The following BCL2L13 variants were observed in gnomAD, a reference collection of about 807,000 sequenced individuals.
BCL2L13 encodes the protein BCL2 like 13, also known as bcl-2-like protein 13.
A neutral mutation model predicts 25.8 loss-of-function variants in BCL2L13; 13 were observed. That is an observed-to-expected ratio of 0.50 (90% CI 0.33 to 0.80). The LOEUF (loss-of-function observed/expected upper bound fraction) is 0.80. Among genes scored for constraint, BCL2L13 ranks in the 30% least tolerant of loss-of-function variants. The pLI, the probability that BCL2L13 is intolerant of heterozygous loss-of-function variation, is 0.02. For synonymous variants in BCL2L13, 244 were observed against 230.3 expected, an observed-to-expected ratio of 1.06 and a Z score of -0.54; for missense variants, 504 against 574.9, an observed-to-expected ratio of 0.88 and a Z score of 1.26.
At chr22:17,690,500 G>T (rs1251719841) in intron 4 of BCL2L13, among the ~76,000 whole-genome samples, 4 of 151,980 alleles carry the variant, frequency 2.6e-5, no homozygotes, top group Non-Finnish European at 5.9e-5. Context: ...AATCGTATTT[G>T]GTAATCTCAG....
chr22:17,693,473 G>A (rs1182320377), intron 4 of BCL2L13, among the ~76,000 whole-genome samples: 3 of 147,540 alleles, frequency 2.0e-5, no homozygotes, highest in East Asian at 2.0e-4. Flanking sequence ...TCCGCCTCCC[G>A]GGTTCAAGCA....
intron 1 of BCL2L13, among the ~76,000 whole-genome samples, chr22:17,644,263 T>G (rs1341782475): frequency 6.6e-6 from 1 of 151,458 alleles, no homozygotes; most frequent in Non-Finnish European, 1.5e-5. Context: ...ATCTGTGAAT[T>G]TTTATTTTTC....
Position 17,720,154 on chromosome 22 carries a change from T to TTTTGTTTCTTTCTTTCTTTC in BCL2L13, c.601-6520_601-6519insGTTTCTTTCTTTCTTTCTTT, listed in dbSNP as rs1555897233. Among the ~76,000 whole-genome samples, 5 of 141,736 alleles carry TTTTGTTTCTTTCTTTCTTTC rather than the reference T, an allele frequency of 3.5e-5. No individual in the cohort carries two copies. The East Asian group carries it at 1.0e-3, about 30-fold the overall frequency. 93.0% of individuals were successfully genotyped at this position (141,736 alleles called of 152,430 possible). On this transcript the variant is annotated intron_variant, in intron 6 of 6. Transcript: ENST00000317582. ...GTACACCTAGAAATGGTGGGTTTCA[T>TTTTGTTTCTTTCTTTCTTTC]TTTCTTTCTTTCTTTCTTTCTTTCT...
At position 17,728,124 on chromosome 22, in the gene BCL2L13, C is replaced by CT. The variant is rs199664501; in HGVS notation, c.*590_*591insT. The CT allele has an allele frequency of 0.011, 1,675 of 151,102 alleles. 31 individuals are homozygous for CT. The highest frequency in any genetic ancestry group is 0.041 in the African/African-American group (1,540 of 37,552). 9.4% of individuals were successfully genotyped at this position (151,102 alleles called of 1,614,324 possible). ...AGGCTCTGCACCCACTCTTTTTTTG[C>CT]CCCCCGCCCTCATCCTGGAGTGTGA... On this transcript the variant is annotated 3_prime_UTR_variant, in exon 7 of 7. Transcript: ENST00000317582.
rs537315017 is a variant in BCL2L13, at chr22:17,669,030, CTT to C, written c.121+13217_121+13218del. On this transcript the variant is annotated intron_variant, in intron 2 of 6. Coordinates refer to ENST00000317582, the MANE Select transcript of BCL2L13 (RefSeq NM_015367.4). Reference sequence around the variant, plus strand: ...AAGTTTATTTGGCTCCTGTTTCTTTCTTTTTTTTTTTTTTTTTTTTGAGACGG... The same window carrying C: ...AAGTTTATTTGGCTCCTGTTTCTTTCTTTTTTTTTTTTTTTTTTGAGACGG... Among the ~76,000 whole-genome samples, 733 of 111,796 alleles carry C rather than the reference CTT, an allele frequency of 6.6e-3. 4 individuals carry two copies. The highest frequency in any genetic ancestry group is 0.023 in the African/African-American group (670 of 29,112). 73.3% of individuals were successfully genotyped at this position (111,796 alleles called of 152,430 possible). A position where few individuals can be genotyped will look rare whatever the true frequency, so the allele number is the denominator to read the frequency against.
At chr22:17,704,145 G>T (rs1601727990) in intron 6 of BCL2L13, among the ~76,000 whole-genome samples, 1 of 151,950 alleles carries the variant, frequency 6.6e-6, no homozygotes, top group Non-Finnish European at 1.5e-5. Context: ...TGAGTGCAGT[G>T]CGCAATTGCA....
intron 5 of BCL2L13, among the ~76,000 whole-genome samples, chr22:17,701,819 A>G (rs1188158783): frequency 1.3e-5 from 2 of 151,352 alleles, no homozygotes; most frequent in African/African-American, 4.9e-5. Flanking sequence ...CCAGCTACTC[A>G]GGAGGCTGAG....
At position 17,671,712 on chromosome 22, in the gene BCL2L13, A is replaced by G. The variant is rs192280563; in HGVS notation, c.122-11502A>G. ...CCCAAAGTGCCACTCTGCCCCAAAC[A>G]TCTGTTTTCTTTTTCAGACAGAGTC... is the stretch of plus-strand genomic sequence containing the variant. On this transcript the variant is annotated intron_variant, in intron 2 of 6. Transcript: ENST00000317582. 1.9e-3 allele frequency among the ~76,000 whole-genome samples: 285 copies of G among 151,774 alleles called. 1 individual carries two copies. Among genetic ancestry groups the G allele is most frequent in the Middle Eastern group, 0.014 (4 of 294 alleles).
intron 1 of BCL2L13, among the ~76,000 whole-genome samples, chr22:17,631,706 A>ATTTTTTTTTTTT (rs71201849): frequency 9.1e-5 from 1 of 10,932 alleles, no homozygotes; most frequent in African/African-American, 2.7e-4. Flanking sequence ...ATATATATAT[A>ATTTTTTTTTTTT]TTTTTTTTTT....
chr22:17,638,654 C>T (rs1265633234), upstream of BCL2L13: 2 of 1,228,930 alleles, frequency 1.6e-6, no homozygotes, highest in Admixed American at 8.4e-5. Context: ...ACCTCCGGGG[C>T]CTCCGTTGGT....
chr22:17,684,463 C>T, intron 3 of BCL2L13: 1 of 414,480 alleles, frequency 2.4e-6, no homozygotes, highest in East Asian at 7.3e-5. Flanking sequence ...AGCCCCAGGC[C>T]CCAACCCCAC....
intron 6 of BCL2L13, among the ~76,000 whole-genome samples, chr22:17,720,154 T>TTTCTTTCTTTCTTTC (rs1555897234): frequency 7.0e-6 from 1 of 141,850 alleles, no homozygotes; most frequent in East Asian, 2.1e-4. Context: ...GTGGGTTTCA[T>TTTCTTTCTTTCTTTC]TTTCTTTCTT....
At position 17,683,316 on chromosome 22, in the gene BCL2L13, C is replaced by T. The variant is rs775706007; in HGVS notation, c.224C>T (p.Ser75Phe). 5 of 1,514,546 alleles carry T rather than the reference C, an allele frequency of 3.3e-6. No individual in the cohort carries two copies. In the Admixed American group the frequency reaches 5.7e-5, roughly 17 times the overall value. 93.8% of individuals were successfully genotyped at this position (1,514,546 alleles called of 1,614,324 possible). A position where few individuals can be genotyped will look rare whatever the true frequency, so the allele number is the denominator to read the frequency against. The stretch of plus-strand genomic sequence containing the variant: ...CTAAAATCTCTGGACAAAGAAATTT[C>T]TGAAGGTCTGTTTATTCTTATTTTT... ...EELKSLDKEI[S>F]EAFTSTGFDR... The change falls in exon 3 of 7, where the codon TCT becomes TTT. Residue 75 changes from serine (S) to phenylalanine (F), a missense_variant. Physicochemically the swap from Ser to Phe is radical, Grantham distance 155. Transcript: ENST00000317582.
intron 1 of BCL2L13, among the ~76,000 whole-genome samples, chr22:17,646,743 A>T (rs1407173889): frequency 5.1e-5 from 4 of 78,980 alleles, no homozygotes; most frequent in Non-Finnish European, 9.0e-5. Flanking sequence ...TTTTTGAGAT[A>T]GAGTCTAGCT....
At chr22:17,636,728 G>T (rs150146214), upstream of BCL2L13, among the ~76,000 whole-genome samples, 607 of 152,116 alleles carry the variant, frequency 4.0e-3, 7 homozygotes, top group African/African-American at 0.014. Flanking sequence ...CCCAGGAGGT[G>T]AGGTTCAGTG....
intron 4 of BCL2L13, among the ~76,000 whole-genome samples, chr22:17,690,132 C>G (rs923802224): frequency 6.6e-6 from 1 of 152,018 alleles, no homozygotes; most frequent in African/African-American, 2.4e-5. Context: ...TGGAGACCAG[C>G]CTGGCCAACA....
intron 6 of BCL2L13, chr22:17,703,174 C>A (rs544081628): frequency 2.7e-5 from 4 of 150,560 alleles, no homozygotes; most frequent in Non-Finnish European, 5.9e-5. Flanking sequence ...TATATATATA[C>A]ACACACACAC....
At position 17,659,023 on chromosome 22, in the gene BCL2L13, A is replaced by G. The variant is rs1284423537; in HGVS notation, c.121+3191A>G. On this transcript the variant is annotated intron_variant, in intron 2 of 6. Transcript: ENST00000317582. Reference sequence around the variant, plus strand: ...CAGTGAGCTGGGATCGCCCCGCTGCACTCCAGCCTGGACGACAGAGCAAGA... The same window carrying G: ...CAGTGAGCTGGGATCGCCCCGCTGCGCTCCAGCCTGGACGACAGAGCAAGA... Among the ~76,000 whole-genome samples, 6 of 119,536 alleles carry G rather than the reference A, an allele frequency of 5.0e-5. 2 individuals carry two copies. The highest frequency in any genetic ancestry group is 1.1e-4 in the Non-Finnish European group (6 of 55,894). The allele number at this position is 119,536 out of a possible 152,430, so 78.4% of individuals were successfully genotyped here. A position where few individuals can be genotyped will look rare whatever the true frequency, so the allele number is the denominator to read the frequency against.
intron 6 of BCL2L13, chr22:17,706,602 G>T (rs899384618): frequency 6.4e-6 from 7 of 1,101,074 alleles, no homozygotes; most frequent in African/African-American, 1.6e-5. Flanking sequence ...GAAGAGTGTG[G>T]TTTTTTTCCC....
Sources: gnomAD v4.1 joint callset for allele counts (sites outside exome capture counted in the v4.1 genomes callset) on GRCh38, gnomAD v4.1.1 for gene constraint, MANE v1.5 for transcripts, NCBI Gene and HGNC (gene_info 2026-07-23, HGNC 2026-07-21) for gene names.